The following CD226 variants were observed in gnomAD, a reference collection of about 807,000 sequenced individuals.
The protein encoded by CD226 is CD226 antigen.
A neutral mutation model predicts 34.9 loss-of-function variants in CD226; 24 were observed. The observed-to-expected ratio is 0.69, with a 90% CI of 0.50 to 0.97. The LOEUF is 0.97. Among genes scored for constraint, CD226 ranks in the 50% least tolerant of loss-of-function variants. CD226 has a pLI of 0.00. For missense variants in CD226, 397 were observed against 412.7 expected, an observed-to-expected ratio of 0.96 and a Z score of 0.33; for synonymous variants, 148 against 147.4, an observed-to-expected ratio of 1.00 and a Z score of -0.03.
At chr18:69,892,137 T>C (rs1984940191) in intron 3 of CD226, among the ~76,000 whole-genome samples, 1 of 152,188 alleles carries the variant, frequency 6.6e-6, no homozygotes, top group African/African-American at 2.4e-5. Flanking sequence ...TGGAAGACGA[T>C]TATACAAGGA....
At chr18:69,946,693 G>C (rs140901267) in intron 2 of CD226, 41 bp downstream of exon 2, 21,030 of 1,291,904 alleles carry the variant, frequency 0.016, 287 homozygotes, top group South Asian at 0.04. Flanking sequence ...TGTTGTAAGT[G>C]GATAAAAAGG....
At chr18:69,951,177 C>T (rs2055851219), upstream of CD226, among the ~76,000 whole-genome samples, 2 of 151,814 alleles carry the variant, frequency 1.3e-5, no homozygotes, top group Non-Finnish European at 2.9e-5. Context: ...TGCTACATTG[C>T]CAAGGCTTGC....
At chr18:69,937,368 CT>C (rs2055667930) in intron 2 of CD226, among the ~76,000 whole-genome samples, 1 of 152,084 alleles carries the variant, frequency 6.6e-6, no homozygotes, top group Non-Finnish European at 1.5e-5. Flanking sequence ...AGCAATTCTC[CT>C]GGAATAGTGC....
intron 4 of CD226, among the ~76,000 whole-genome samples, chr18:69,868,425 C>G (rs1983281650): frequency 6.6e-6 from 1 of 152,176 alleles, no homozygotes; most frequent in Non-Finnish European, 1.5e-5. Context: ...TGGATATTGA[C>G]TCCAATTGTC....
chr18:69,865,270 G>A lies in CD226; in HGVS notation c.886-831C>T, dbSNP rs191791709. 5.3e-5 allele frequency among the ~76,000 whole-genome samples: 8 copies of A among 152,240 alleles called. No individual in the cohort carries two copies. The East Asian group carries it at 5.8e-4, about 11-fold the overall frequency. On this transcript the variant is annotated intron_variant, in intron 5 of 5. Transcript: ENST00000582621. ...CTCCCAAAGTGTTGGGATTACAAGCGTGAGCCACCATGACCAGCCAGATGT... is the reference window on the plus strand; with the variant it reads ...CTCCCAAAGTGTTGGGATTACAAGCATGAGCCACCATGACCAGCCAGATGT...
chr18:69,864,918 G>A (rs1983043376), intron 5 of CD226, among the ~76,000 whole-genome samples: 2 of 152,142 alleles, frequency 1.3e-5, no homozygotes, highest in South Asian at 4.1e-4. Flanking sequence ...TGTGAAAAAA[G>A]AAAGACAAAT....
chr18:69,909,220 A>G lies in CD226; in HGVS notation c.383-13175T>C, dbSNP rs543692360. Among the ~76,000 whole-genome samples the G allele has an allele frequency of 2.4e-4, 37 of 152,322 alleles. No individual in the cohort carries two copies. In the South Asian group the frequency reaches 7.7e-3, roughly 32 times the overall value. ...TAAGTTTCCCAATAATTTTGGGGGG[A>G]CTACATGGATGAGAAAACATCTCCA... On this transcript the variant is annotated intron_variant, in intron 2 of 5. Transcript: ENST00000582621.
At chr18:69,900,589 G>A (rs190709114) in intron 2 of CD226, among the ~76,000 whole-genome samples, 10,535 of 149,206 alleles carry the variant, frequency 0.071, 424 homozygotes, top group Middle Eastern at 0.11. Flanking sequence ...AAAATTAGCC[G>A]GGCGCGGTGG....
chr18:69,870,387 G>A (rs150336405), intron 4 of CD226, among the ~76,000 whole-genome samples: 11,789 of 147,648 alleles, frequency 0.08, 476 homozygotes, highest in Middle Eastern at 0.12. Flanking sequence ...TGATTCTCCT[G>A]TCTCAGCCTC....
In CD226 at chr18:69,903,947, C is replaced by T. The variant is rs566753287; in HGVS notation, c.383-7902G>A. ...GACATCTTGGGTACAGTCTGGGCCT[C>T]GCCAGCACCCATCAGAAGCAGCAAG... is the stretch of plus-strand genomic sequence containing the variant. On this transcript the variant is annotated intron_variant, in intron 2 of 5. Coordinates refer to ENST00000582621, the MANE Select transcript of CD226 (RefSeq NM_001303618.2). Among the ~76,000 whole-genome samples, 11 of 152,242 alleles carry T rather than the reference C, an allele frequency of 7.2e-5. No homozygotes were observed. The Middle Eastern group carries it at 0.014, about 188-fold the overall frequency.
intron 3 of CD226, among the ~76,000 whole-genome samples, chr18:69,880,801 G>A (rs1251338578): frequency 9.2e-5 from 14 of 151,886 alleles, no homozygotes; most frequent in African/African-American, 2.2e-4. Flanking sequence ...ACAGGCGCCC[G>A]CCACAATGCC....
intron 4 of CD226, among the ~76,000 whole-genome samples, chr18:69,869,289 G>A (rs1321750030): frequency 1.3e-5 from 2 of 152,222 alleles, no homozygotes; most frequent in African/African-American, 4.8e-5. Context: ...TAAAGAAAAT[G>A]TGGTACACAT....
chr18:69,893,734 A>C (rs771828208), intron 3 of CD226, among the ~76,000 whole-genome samples: 25 of 152,168 alleles, frequency 1.6e-4, no homozygotes, highest in Admixed American at 8.5e-4. Context: ...ATATTTCACC[A>C]ACCACTCATC....
At chr18:69,915,403 C>A (rs2055373342) in intron 2 of CD226, among the ~76,000 whole-genome samples, 1 of 152,174 alleles carries the variant, frequency 6.6e-6, no homozygotes, top group Admixed American at 6.5e-5. Context: ...CTAACAGCCC[C>A]ATTAAAATTG....
intron 4 of CD226, among the ~76,000 whole-genome samples, chr18:69,872,641 T>C (rs1983606229): frequency 6.6e-6 from 1 of 152,182 alleles, no homozygotes; most frequent in East Asian, 1.9e-4. Flanking sequence ...TCAGTAATTT[T>C]AAGCACCTAG....
At chr18:69,922,815 A>G (rs2055468928) in intron 2 of CD226, among the ~76,000 whole-genome samples, 1 of 152,184 alleles carries the variant, frequency 6.6e-6, no homozygotes, top group Non-Finnish European at 1.5e-5. Context: ...AAACACTGGC[A>G]TGAGAGCAGT....
intron 2 of CD226, among the ~76,000 whole-genome samples, chr18:69,934,075 A>G (rs1224334477): frequency 6.6e-6 from 1 of 152,202 alleles, no homozygotes; most frequent in African/African-American, 2.4e-5. Context: ...TTTTGGAGAC[A>G]TATACTAACA....
At chr18:69,902,518 C>T (rs1341480479) in intron 2 of CD226, among the ~76,000 whole-genome samples, 1 of 151,354 alleles carries the variant, frequency 6.6e-6, no homozygotes, top group African/African-American at 2.4e-5. Flanking sequence ...TCCTTTCTGA[C>T]CTCCCTCTGC....
chr18:69,884,399 C>G (rs1465774), intron 3 of CD226, among the ~76,000 whole-genome samples: 1 of 141,238 alleles, frequency 7.1e-6, no homozygotes, highest in Non-Finnish European at 1.5e-5. Flanking sequence ...TGCTGAGCCC[C>G]AGTCTGCCAG....
Sources: allele counts gnomAD v4.1 joint callset (sites outside exome capture counted in the v4.1 genomes callset), GRCh38; gene constraint gnomAD v4.1.1; transcripts MANE v1.5; gene names NCBI Gene and HGNC (gene_info 2026-07-23, HGNC 2026-07-21).